NCKAP5: variants seen among roughly 807,000 people sequenced by gnomAD.
NCKAP5 encodes nck-associated protein 5.
In NCKAP5, 92 loss-of-function variants were observed where a neutral mutation model predicts 167.0. That is an observed-to-expected ratio of 0.55 (90% CI 0.47 to 0.66). NCKAP5 has a LOEUF of 0.66. NCKAP5 is among the 30% of genes least tolerant of loss of function. The pLI, the probability that NCKAP5 is intolerant of heterozygous loss-of-function variation, is 0.00. For missense variants in NCKAP5, 2,378 were observed against 2,315.0 expected (o/e 1.03, Z -0.56); for synonymous variants, 891 against 877.4 (o/e 1.02, Z -0.27).
At chr2:133,108,840 T>A (rs1020118951) in intron 6 of NCKAP5, among the ~76,000 whole-genome samples, 1 of 152,226 alleles carries the variant, frequency 6.6e-6, no homozygotes, top group African/African-American at 2.4e-5. Context: ...TCTAGCCTCA[T>A]CCATGTTGTC....
chr2:132,781,196 A>G lies in NCKAP5; in HGVS notation c.4905T>C (p.Ser1635=). The change falls in exon 15 of 20, where the codon AGT becomes AGC. Residue 1635 remains serine (S), a synonymous_variant. Transcript: ENST00000409261. ...TCCTGCAGGAAGCATTACTTGATCC[A>G]CTTTCTGTCTGTGGAGCTGCTTTCT... ...VDKKAAPQTE[S]GSSNASCRNV... is the part of the protein sequence containing the mutation. 1.2e-6 allele frequency: 2 copies of G among 1,613,820 alleles called. No individual in the cohort carries two copies. The highest frequency in any genetic ancestry group is 2.2e-5 in the South Asian group (2 of 91,058).
At chr2:132,996,674 A>G (rs1474784935) in intron 6 of NCKAP5, among the ~76,000 whole-genome samples, 1 of 152,262 alleles carries the variant, frequency 6.6e-6, no homozygotes, top group Admixed American at 6.5e-5. Flanking sequence ...AACATTTGGT[A>G]TAGGACTATG....
At chr2:133,339,032 A>C (rs1398348538) in intron 3 of NCKAP5, among the ~76,000 whole-genome samples, 1 of 152,106 alleles carries the variant, frequency 6.6e-6, no homozygotes, top group African/African-American at 2.4e-5. Flanking sequence ...AAAACATAAA[A>C]ATAAAAATAA....
chr2:133,197,618 A>G (rs774831576), intron 5 of NCKAP5, among the ~76,000 whole-genome samples: 12 of 152,114 alleles, frequency 7.9e-5, no homozygotes, highest in Non-Finnish European at 1.5e-4. Context: ...AAAAACAAAA[A>G]CAGGGCTTTA....
intron 3 of NCKAP5, among the ~76,000 whole-genome samples, chr2:133,435,335 T>A (rs1032378047): frequency 6.6e-6 from 1 of 152,200 alleles, no homozygotes; most frequent in East Asian, 1.9e-4. Context: ...ATTTTTTTAA[T>A]CCCTGTGTTT....
At chr2:132,743,041 GAATTA>G (rs1424707133) in intron 16 of NCKAP5, among the ~76,000 whole-genome samples, 7 of 150,032 alleles carry the variant, frequency 4.7e-5, no homozygotes, top group South Asian at 2.1e-4. Context: ...CATCCATGAA[GAATTA>G]AATTGTTACA....
At chr2:133,291,161 G>A (rs1245340238) in intron 4 of NCKAP5, among the ~76,000 whole-genome samples, 1 of 152,198 alleles carries the variant, frequency 6.6e-6, no homozygotes, top group Non-Finnish European at 1.5e-5. Context: ...CAAGATGGGT[G>A]AAACTTTATG....
intron 6 of NCKAP5, among the ~76,000 whole-genome samples, chr2:133,037,501 C>A (rs368047046): frequency 6.6e-6 from 1 of 152,064 alleles, no homozygotes; most frequent in Non-Finnish European, 1.5e-5. Flanking sequence ...CACACACCTA[C>A]AGTGAACTCA....
chr2:133,537,563 G>C (rs1006194781), intron 2 of NCKAP5, among the ~76,000 whole-genome samples: 6 of 151,998 alleles, frequency 3.9e-5, no homozygotes, highest in African/African-American at 1.4e-4. Context: ...TCTATCATAA[G>C]TGGGAGTACT....
chr2:132,825,857 C>A (rs1687088942), intron 11 of NCKAP5, among the ~76,000 whole-genome samples: 1 of 152,192 alleles, frequency 6.6e-6, no homozygotes. Flanking sequence ...TTAGGTTAAT[C>A]TGGCTTGAAA....
chr2:133,440,303 T>C (rs1480091247), intron 3 of NCKAP5, among the ~76,000 whole-genome samples: 1 of 152,156 alleles, frequency 6.6e-6, no homozygotes, highest in East Asian at 1.9e-4. Flanking sequence ...GGCATAAAAA[T>C]ACAAATAGTA....
At chr2:132,920,678 T>TATATATAG (rs1310367489) in intron 8 of NCKAP5, among the ~76,000 whole-genome samples, 1 of 115,482 alleles carries the variant, frequency 8.7e-6, no homozygotes, top group African/African-American at 3.8e-5. Context: ...TATATATATA[T>TATATATAG]AAGTTAGTTT....
intron 3 of NCKAP5, among the ~76,000 whole-genome samples, chr2:133,310,271 C>T (rs1681140466): frequency 6.6e-6 from 1 of 152,172 alleles, no homozygotes; most frequent in African/African-American, 2.4e-5. Context: ...ATGTTAAACA[C>T]CACAAGCAAA....
chr2:133,350,598 G>A (rs147374383), intron 3 of NCKAP5, among the ~76,000 whole-genome samples: 13 of 152,078 alleles, frequency 8.5e-5, no homozygotes, highest in East Asian at 5.8e-4. Context: ...TTTCCCACCC[G>A]CTGTCCCAAT....
At chr2:133,656,173 G>C in the NCKAP5 span, among the ~76,000 whole-genome samples, 1 of 152,076 alleles carries the variant, frequency 6.6e-6, no homozygotes, top group Non-Finnish European at 1.5e-5. Context: ...AAACAGACCT[G>C]AGTTCAGCTC....
At chr2:133,286,840 CT>C (rs1679179022) in intron 4 of NCKAP5, among the ~76,000 whole-genome samples, 1 of 152,100 alleles carries the variant, frequency 6.6e-6, no homozygotes, top group African/African-American at 2.4e-5. Context: ...TAGATAAATC[CT>C]TTAACAGGAA....
intron 4 of NCKAP5, among the ~76,000 whole-genome samples, chr2:133,214,887 C>G (rs539513912): frequency 3.3e-5 from 5 of 152,200 alleles, no homozygotes; most frequent in African/African-American, 1.2e-4. Flanking sequence ...GAAAATTTTC[C>G]CACTGGGGAA....
chr2:133,027,962 G>C (rs1048224800), intron 6 of NCKAP5, among the ~76,000 whole-genome samples: 2 of 152,098 alleles, frequency 1.3e-5, no homozygotes, highest in Non-Finnish European at 2.9e-5. Flanking sequence ...CATGGACCCA[G>C]AAAAGTTAAT....
intron 3 of NCKAP5, among the ~76,000 whole-genome samples, chr2:133,349,246 G>C (rs1054356120): frequency 6.6e-6 from 1 of 152,176 alleles, no homozygotes; most frequent in Admixed American, 6.5e-5. Context: ...TAAGGTGAGT[G>C]AATTTGCCTT....
Sources: gnomAD v4.1 joint callset for allele counts (sites outside exome capture counted in the v4.1 genomes callset) on GRCh38, gnomAD v4.1.1 for gene constraint, MANE v1.5 for transcripts, NCBI Gene and HGNC (gene_info 2026-07-23, HGNC 2026-07-21) for gene names.